Variants in VPS9D1 observed in about 807,000 individuals in gnomAD.
The protein encoded by VPS9D1 is VPS9 domain-containing protein 1.
A neutral mutation model predicts 75.8 loss-of-function variants in VPS9D1; 78 were observed. That is an observed-to-expected ratio of 1.03 (90% confidence interval 0.86 to 1.24). The LOEUF (loss-of-function observed/expected upper bound fraction) is 1.24, where lower values mean the gene tolerates loss of function less well. Ranked by LOEUF, VPS9D1 falls within the 50% of genes most tolerant of loss-of-function variation. VPS9D1 has a pLI of 0.00. For missense variants in VPS9D1, 1,057 were observed against 847.7 expected, an observed-to-expected ratio of 1.25 and a Z score of -3.07; for synonymous variants, 481 against 385.6, an observed-to-expected ratio of 1.25 and a Z score of -2.90.
rs117952314 is a variant in VPS9D1, at chr16:89,715,567, G to A, written c.431+895C>T. ...GACAGAGTCTCATTTTGTTGCCCAA[G>A]CTGGAGTGCACTGGCACAATCACGG... On this transcript the variant is annotated intron_variant, in intron 4 of 14. Transcript: ENST00000389386. 9.0e-3 allele frequency among the ~76,000 whole-genome samples: 1,359 copies of A among 150,798 alleles called. 154 individuals carry two copies. The East Asian group carries it at 0.22, about 25-fold the overall frequency.
Position 89,710,860 on chromosome 16 carries a change from C to A in VPS9D1, c.984G>T (p.Ser328=). ...PNPGSRRLRP[S]QSLHCMLSPP... ...GGGACAGCATGCAATGGAGGCTCTGCGAGGGCCGCAGCCGTCGGCTTCCGG... is the reference window on the plus strand; with the variant it reads ...GGGACAGCATGCAATGGAGGCTCTGAGAGGGCCGCAGCCGTCGGCTTCCGG... The change falls in exon 10 of 15, where the codon TCG becomes TCT. Residue 328 remains serine, a synonymous_variant. Transcript: ENST00000389386. 6.6e-7 allele frequency: 1 copy of A among 1,506,846 alleles called. No individual in the cohort carries two copies. The highest frequency in any genetic ancestry group is 8.9e-7 in the Non-Finnish European group (1 of 1,126,550). The allele number at this position is 1,506,846 out of a possible 1,614,324, so 93.3% of individuals were successfully genotyped here.
In VPS9D1 at chr16:89,719,009, C is replaced by G; in HGVS notation, c.175+18G>C. ...GATTACAGGCGTGAGCCACCGCGCC[C>G]GGCTGGCTGAGCCGTACCTTTAGTG... On this transcript the variant is annotated intron_variant, in intron 2 of 14. Transcript: ENST00000389386. 2 of 1,608,956 alleles carry G rather than the reference C, an allele frequency of 1.2e-6. No individual in the cohort carries two copies. Among genetic ancestry groups the G allele is most frequent in the East Asian group, 2.2e-5 (1 of 44,816 alleles).
At chr16:89,716,347 C>G in intron 4 of VPS9D1, 115 bp downstream of exon 4, 1 of 1,481,652 alleles carries the variant, frequency 6.7e-7, no homozygotes, top group Non-Finnish European at 9.2e-7. Context: ...GCCTGGGTGA[C>G]AGAGTGAGAC....
chr16:89,718,863 G>C lies in VPS9D1; in HGVS notation c.175+164C>G, dbSNP rs1055936886. 6.6e-6 allele frequency among the ~76,000 whole-genome samples: 1 copy of C among 151,932 alleles called. No individual in the cohort carries two copies. Among genetic ancestry groups the C allele is most frequent in the African/African-American group, 2.4e-5 (1 of 41,344 alleles). On this transcript the variant is annotated intron_variant, in intron 2 of 14. Coordinates refer to ENST00000389386, the MANE Select transcript of VPS9D1 (RefSeq NM_004913.3). ...CGAGTAGCTGGGACTACAGACACCC[G>C]CCACCAGGCCCAGCTGATTTTTTAG...
intron 4 of VPS9D1, among the ~76,000 whole-genome samples, chr16:89,714,243 AT>A (rs893255873): frequency 6.7e-5 from 10 of 148,548 alleles, no homozygotes; most frequent in South Asian, 4.2e-4. Context: ...CAGCCTTGCA[AT>A]TTTTTTTTTT....
At position 89,707,926 on chromosome 16, in the gene VPS9D1, G is replaced by C; in HGVS notation, c.1831C>G (p.Leu611Val). Residue 611 changes from leucine (L) to valine (V), a missense_variant, in exon 15 of 15, where the codon CTC becomes GTC. Coordinates refer to ENST00000389386, the MANE Select transcript of VPS9D1 (RefSeq NM_004913.3). Reference protein sequence around the residue: ...GYLIGEEGYCLTSLQSALSYV... With the variant: ...GYLIGEEGYCVTSLQSALSYV... The stretch of plus-strand genomic sequence containing the variant: ...CTCAGGGCACTCTGCAGTGATGTGA[G>C]GCAGTAGCCCTCCTCTCCGATCAGG... 6.2e-6 allele frequency: 10 copies of C among 1,613,110 alleles called. No homozygotes were observed. In the South Asian group the frequency reaches 9.9e-5, roughly 16 times the overall value.
In VPS9D1 at chr16:89,707,580, C is replaced by A; in HGVS notation, c.*281G>T. The A allele has an allele frequency of 2.7e-6, 1 of 374,050 alleles. No homozygotes were observed. Among genetic ancestry groups the A allele is most frequent in the Non-Finnish European group, 4.9e-6 (1 of 204,036 alleles). 23.2% of individuals were successfully genotyped at this position (374,050 alleles called of 1,614,324 possible). ...CGAAGCCCAAAGCTTCCCTTCTTGG[C>A]CTCTCTGAGGCCTACACAGGAGAGC... On this transcript the variant is annotated 3_prime_UTR_variant, in exon 15 of 15. Coordinates refer to ENST00000389386, the MANE Select transcript of VPS9D1 (RefSeq NM_004913.3).
intron 10 of VPS9D1, 85 bp downstream of exon 10, chr16:89,710,501 C>A (rs1045435818): frequency 3.5e-6 from 5 of 1,427,620 alleles, no homozygotes; most frequent in Non-Finnish European, 4.7e-6. Flanking sequence ...GATCAACAGA[C>A]CCTTCCCCAA....
chr16:89,709,052 C>T lies in VPS9D1; in HGVS notation c.1598-96G>A, dbSNP rs950675086. ...CCACCCACCCACCTCCTGATGTGCA[C>T]GGCTGGGAAGAGCCACGGTGACCCT... On this transcript the variant is annotated intron_variant, in intron 12 of 14. Coordinates refer to ENST00000389386, the MANE Select transcript of VPS9D1 (RefSeq NM_004913.3). 2.4e-5 allele frequency: 32 copies of T among 1,326,654 alleles called. No individual in the cohort carries two copies. In the African/African-American group the frequency reaches 4.7e-4, roughly 20 times the overall value. 82.2% of individuals were successfully genotyped at this position (1,326,654 alleles called of 1,614,324 possible).
At position 89,712,626 on chromosome 16, in the gene VPS9D1, C is replaced by T. The variant is rs1313200937; in HGVS notation, c.522G>A (p.Gln174=). 6.2e-7 allele frequency: 1 copy of T among 1,610,386 alleles called. No homozygotes were observed. Among genetic ancestry groups the T allele is most frequent in the Non-Finnish European group, 8.5e-7 (1 of 1,178,208 alleles). The change falls in exon 5 of 15, where the codon CAG becomes CAA. Residue 174 remains glutamine (Q), a synonymous_variant. Transcript: ENST00000389386. ...TCACCAGGGATGTCTTCTGCATGGC[C>T]TGGCTGGGGTCTAGCCGCGCCATTC... The part of the protein sequence containing the change: ...EARMARLDPS[Q]AMQKTSLTLS...
intron 4 of VPS9D1, 47 bp downstream of exon 4, chr16:89,716,415 A>T (rs1355457632): frequency 6.2e-7 from 1 of 1,606,446 alleles, no homozygotes; most frequent in African/African-American, 1.3e-5. Flanking sequence ...CTCAGCCTCA[A>T]AAACCCAATC....
At chr16:89,712,796 C>A in intron 4 of VPS9D1, 80 bp from the exon 5 acceptor site, 1 of 1,280,158 alleles carries the variant, frequency 7.8e-7, no homozygotes, top group Non-Finnish European at 1.1e-6. Context: ...TCTCATCCTC[C>A]CGGATTGCTC....
intron 2 of VPS9D1, chr16:89,718,079 A>C: frequency 2.2e-6 from 1 of 451,286 alleles, no homozygotes; most frequent in Non-Finnish European, 4.4e-6. Context: ...TCTGTGCTCT[A>C]TGTCCAGTGG....
rs1451102825 is a variant in VPS9D1 at position 89,711,207 on chromosome 16, G to A, written c.833+120C>T. The A allele has an allele frequency of 3.2e-5, 40 of 1,238,380 alleles. No homozygotes were observed. In the East Asian group the frequency reaches 9.7e-4, roughly 30 times the overall value. The allele number at this position is 1,238,380 out of a possible 1,614,324, so 76.7% of individuals were successfully genotyped here. A position where few individuals can be genotyped will look rare whatever the true frequency, so the allele number is the denominator to read the frequency against. ...CCCTCAGCGCAAAGGGAGCTGCAGT[G>A]TCCACGTGGCCGGGCACAGGCTCCC... On this transcript the variant is annotated intron_variant, in intron 9 of 14. Coordinates refer to ENST00000389386, the MANE Select transcript of VPS9D1 (RefSeq NM_004913.3).
chr16:89,716,469 A>G lies in VPS9D1; in HGVS notation c.424T>C (p.Cys142Arg). The G allele has an allele frequency of 6.2e-7, 1 of 1,613,996 alleles. No individual in the cohort carries two copies. Among genetic ancestry groups the G allele is most frequent in the Non-Finnish European group, 8.5e-7 (1 of 1,179,986 alleles). Residue 142 changes from cysteine to arginine, a missense_variant, in exon 4 of 15, where the codon TGT (cysteine) becomes CGT (arginine). By Grantham distance (180) the Cys-to-Arg change is radical (BLOSUM62 -3). Transcript: ENST00000389386. The part of the protein sequence containing the change: ...QKLQGAESQS[C>R]KKELTPLEEA... Reference sequence around the variant, plus strand: ...CCATCTTGTCCATCTTACTTCTTACAGCTTTGTGACTCTGCCCCCTGAAGC... The same window carrying G: ...CCATCTTGTCCATCTTACTTCTTACGGCTTTGTGACTCTGCCCCCTGAAGC...
chr16:89,709,705 AGGGCAGGCCTCCTGGG>A, intron 11 of VPS9D1, 56 bp downstream of exon 11: 3 of 1,604,010 alleles, frequency 1.9e-6, no homozygotes, highest in African/African-American at 1.3e-5. Flanking sequence ...GCCAGGGAGC[AGGGCAGGCCTCCTGGG>A]GGACTGGGCT....
chr16:89,715,625 G>T (rs2151634898), intron 4 of VPS9D1, among the ~76,000 whole-genome samples: 1 of 151,170 alleles, frequency 6.6e-6, no homozygotes, highest in Admixed American at 6.6e-5. Context: ...AGGCTCAAGT[G>T]AGCCTCCCAC....
chr16:89,716,897 C>A, intron 2 of VPS9D1, 75 bp from the exon 3 acceptor site: 1 of 1,399,838 alleles, frequency 7.1e-7, no homozygotes, highest in East Asian at 2.6e-5. Flanking sequence ...AATGAGGCAA[C>A]GGAAAAGGCA....
chr16:89,711,145 CG>C, intron 9 of VPS9D1, 135 bp from the exon 10 acceptor site: 1 of 1,205,734 alleles, frequency 8.3e-7, no homozygotes, highest in Non-Finnish European at 1.1e-6. Flanking sequence ...GTCTGCCCCC[CG>C]CCCCCGCTGG....
Sources: allele counts gnomAD v4.1 joint callset (sites outside exome capture counted in the v4.1 genomes callset), GRCh38; gene constraint gnomAD v4.1.1; transcripts MANE v1.5; gene names NCBI Gene and HGNC (gene_info 2026-07-23, HGNC 2026-07-21).